The following GNAI1 variants were observed in gnomAD, a reference collection of about 807,000 sequenced individuals.
The protein encoded by GNAI1 is guanine nucleotide-binding protein G(i) subunit alpha-1.
GNAI1 carries 11 observed loss-of-function variants against 38.9 expected under a neutral mutation model. The observed-to-expected ratio is 0.28, with a 90% CI of 0.18 to 0.47. The LOEUF is 0.47. Among genes scored for constraint, GNAI1 ranks in the 20% least tolerant of loss-of-function variants. The pLI, the probability that GNAI1 is intolerant of heterozygous loss-of-function variation, is 0.99. For synonymous variants in GNAI1, 166 were observed against 145.1 expected (o/e 1.14, Z -1.04); for missense variants, 317 against 436.9 (o/e 0.73, Z 2.45).
In GNAI1 at chr7:80,180,808, A is replaced by G. The variant is rs559399077; in HGVS notation, c.119-8143A>G. Among the ~76,000 whole-genome samples the G allele has an allele frequency of 4.6e-5, 7 of 152,254 alleles. No individual in the cohort carries two copies. In the East Asian group the frequency reaches 1.4e-3, roughly 29 times the overall value. On this transcript the variant is annotated intron_variant, in intron 1 of 7. Coordinates refer to ENST00000649796, the MANE Select transcript of GNAI1 (RefSeq NM_002069.6). ...TAACTCTCAAAAGTCCCTACTTTGAAGATAAATTATATGTTCTCCTGACTG... is the reference window on the plus strand; with the variant it reads ...TAACTCTCAAAAGTCCCTACTTTGAGGATAAATTATATGTTCTCCTGACTG...
rs188704694 is a variant in GNAI1, at chr7:80,164,970, T to G, written c.119-23981T>G. Among the ~76,000 whole-genome samples the G allele has an allele frequency of 3.1e-4, 47 of 151,952 alleles. No homozygotes were observed. In the East Asian group the frequency reaches 8.3e-3, roughly 27 times the overall value. On this transcript the variant is annotated intron_variant, in intron 1 of 7. Transcript: ENST00000649796. ...AGAAAATACGCCTATGAGAAAAAGC[T>G]AAAGATGACATTATTTGTCTCCAAA...
Position 80,210,922 on chromosome 7 carries a change from CT to C in GNAI1, c.591-42del, listed in dbSNP as rs779463565. 1.8e-5 allele frequency: 28 copies of C among 1,572,802 alleles called. No homozygotes were observed. The East Asian group carries it at 6.3e-4, about 35-fold the overall frequency. On this transcript the variant is annotated intron_variant, in intron 5 of 7. Coordinates refer to ENST00000649796, the MANE Select transcript of GNAI1 (RefSeq NM_002069.6). ...GTTAGCATTAAAGAACTTCTCAGAG[CT>C]TTTTGAACATTTAATGTGATGTTAA...
intron 1 of GNAI1, among the ~76,000 whole-genome samples, chr7:80,151,362 A>T (rs1255264597): frequency 1.3e-5 from 2 of 152,190 alleles, no homozygotes; most frequent in Non-Finnish European, 2.9e-5. Flanking sequence ...CATATAATTA[A>T]GTAGAAAAAT....
chr7:80,169,019 G>A (rs970648608), intron 1 of GNAI1, among the ~76,000 whole-genome samples: 1 of 152,024 alleles, frequency 6.6e-6, no homozygotes, highest in Non-Finnish European at 1.5e-5. Context: ...TGCTTGTTCT[G>A]TCCCTTAAAT....
At chr7:80,168,050 C>T (rs1372742930) in intron 1 of GNAI1, among the ~76,000 whole-genome samples, 1 of 152,136 alleles carries the variant, frequency 6.6e-6, no homozygotes, top group Non-Finnish European at 1.5e-5. Flanking sequence ...AAAATGTTCC[C>T]ACAAATTCCC....
rs57365150 is a variant in GNAI1 at position 80,221,414 on chromosome 7, A to G, written c.*3921A>G. Reference sequence around the variant, plus strand: ...ATAGTTTTAAGGTGCCTTTAAAATCATAATCAGTGCTTAACAAATGGTTGT... The same window carrying G: ...ATAGTTTTAAGGTGCCTTTAAAATCGTAATCAGTGCTTAACAAATGGTTGT... On this transcript the variant is annotated 3_prime_UTR_variant, in exon 8 of 8. Transcript: ENST00000649796. Among the ~76,000 whole-genome samples, 1 of 152,170 alleles carries G rather than the reference A, an allele frequency of 6.6e-6. No individual in the cohort carries two copies. The highest frequency in any genetic ancestry group is 2.4e-5 in the African/African-American group (1 of 41,432).
chr7:80,212,655 A>T, intron 6 of GNAI1, 61 bp from the exon 7 acceptor site: 1 of 1,007,468 alleles, frequency 9.9e-7, no homozygotes, highest in Non-Finnish European at 1.4e-6. Context: ...TTTATTTTTT[A>T]AAATAGTCCT....
intron 1 of GNAI1, among the ~76,000 whole-genome samples, chr7:80,179,033 T>G (rs1311555618): frequency 6.6e-6 from 1 of 152,188 alleles, no homozygotes; most frequent in Non-Finnish European, 1.5e-5. Context: ...AATGCAGGAA[T>G]AGATATGAGA....
At chr7:80,178,187 G>C (rs1451145367) in intron 1 of GNAI1, among the ~76,000 whole-genome samples, 1 of 152,164 alleles carries the variant, frequency 6.6e-6, no homozygotes, top group African/African-American at 2.4e-5. Context: ...AAACTTTAAG[G>C]AAAGAGGAAT....
chr7:80,146,438 T>A (rs1434995639), intron 1 of GNAI1, among the ~76,000 whole-genome samples: 1 of 152,220 alleles, frequency 6.6e-6, no homozygotes, highest in Non-Finnish European at 1.5e-5. Flanking sequence ...TATTACATTC[T>A]CTATTGTGTC....
rs539631906 is a variant in GNAI1 at position 80,219,190 on chromosome 7, T to C, written c.*1697T>C. On this transcript the variant is annotated 3_prime_UTR_variant, in exon 8 of 8. Coordinates refer to ENST00000649796, the MANE Select transcript of GNAI1 (RefSeq NM_002069.6). ...CTTTATGTGCCTTTCATGAAAGATA[T>C]GTTTTCATTAATTTTACTGGTGGAC... is the stretch of plus-strand genomic sequence containing the variant. 4 of 152,720 alleles carry C rather than the reference T, an allele frequency of 2.6e-5. No individual in the cohort carries two copies. Among genetic ancestry groups the C allele is most frequent in the South Asian group, 4.1e-4 (2 of 4,826 alleles). The allele number at this position is 152,720 out of a possible 1,614,324, so 9.5% of individuals were successfully genotyped here. A position where few individuals can be genotyped will look rare whatever the true frequency, so the allele number is the denominator to read the frequency against.
At chr7:80,136,033 G>C (rs1406938643) in intron 1 of GNAI1, 2 of 985,390 alleles carry the variant, frequency 2.0e-6, no homozygotes, top group Non-Finnish European at 1.2e-6. Flanking sequence ...ACAGGGTTCT[G>C]TCTCCGCTGC....
At position 80,224,838 on chromosome 7, in the gene GNAI1, T is replaced by C. The variant is rs1196774091; in HGVS notation, c.*7345T>C. Among the ~76,000 whole-genome samples the C allele has an allele frequency of 6.6e-6, 1 of 152,190 alleles. No homozygotes were observed. Among genetic ancestry groups the C allele is most frequent in the African/African-American group, 2.4e-5 (1 of 41,464 alleles). On this transcript the variant is annotated 3_prime_UTR_variant, in exon 8 of 8. Coordinates refer to ENST00000649796, the MANE Select transcript of GNAI1 (RefSeq NM_002069.6). Reference sequence around the variant, plus strand: ...ATTTAAAAATTACATGTTGAACTGATTTGTGATATATTGGGTTATATAATT... The same window carrying C: ...ATTTAAAAATTACATGTTGAACTGACTTGTGATATATTGGGTTATATAATT...
intron 1 of GNAI1, among the ~76,000 whole-genome samples, chr7:80,141,405 A>G (rs1258940840): frequency 1.3e-5 from 2 of 152,208 alleles, no homozygotes; most frequent in Non-Finnish European, 2.9e-5. Context: ...CTGTGAAACT[A>G]GCAAACAAGT....
Position 80,174,380 on chromosome 7 carries a change from CAT to C in GNAI1, c.119-14568_119-14567del, listed in dbSNP as rs921793626. 1.9e-4 allele frequency among the ~76,000 whole-genome samples: 28 copies of C among 150,536 alleles called. 2 individuals carry two copies. Among genetic ancestry groups the C allele is most frequent in the African/African-American group, 6.1e-4 (25 of 41,148 alleles). On this transcript the variant is annotated intron_variant, in intron 1 of 7. Coordinates refer to ENST00000649796, the MANE Select transcript of GNAI1 (RefSeq NM_002069.6). Reference sequence around the variant, plus strand: ...CTTGTACTTGTCTTTTATGAATAAACATATGTATATATAGCTCTAAAATACAC... The same window carrying C: ...CTTGTACTTGTCTTTTATGAATAAACATGTATATATAGCTCTAAAATACAC...
In GNAI1 at chr7:80,151,436, A is replaced by G. The variant is rs368384682; in HGVS notation, c.118+16158A>G. Among the ~76,000 whole-genome samples, 538 of 152,280 alleles carry G rather than the reference A, an allele frequency of 3.5e-3. 5 individuals carry two copies. Among genetic ancestry groups the G allele is most frequent in the Middle Eastern group, 0.014 (4 of 294 alleles). On this transcript the variant is annotated intron_variant, in intron 1 of 7. Transcript: ENST00000649796. ...AAATTACACACAAAACCACAAACCA[A>G]TAGAGTTCTCATTAACATGACTTGT...
rs1043059523 is a variant in GNAI1, at chr7:80,222,819, C to A, written c.*5326C>A. ...TGTCACCTAGAAGAAAGTACAGGTG[C>A]TCCTTGACTTACCGTGGGTTAAGTC... On this transcript the variant is annotated 3_prime_UTR_variant, in exon 8 of 8. Coordinates refer to ENST00000649796, the MANE Select transcript of GNAI1 (RefSeq NM_002069.6). Among the ~76,000 whole-genome samples the A allele has an allele frequency of 1.3e-5, 2 of 152,112 alleles. No homozygotes were observed. Among genetic ancestry groups the A allele is most frequent in the Admixed American group, 6.6e-5 (1 of 15,258 alleles).
chr7:80,172,648 G>A (rs1229542702), intron 1 of GNAI1, among the ~76,000 whole-genome samples: 1 of 151,804 alleles, frequency 6.6e-6, no homozygotes, highest in Admixed American at 6.6e-5. Context: ...AAAGATACTT[G>A]CAAAGCAACG....
intron 1 of GNAI1, among the ~76,000 whole-genome samples, chr7:80,140,593 GAC>G (rs1401746200): frequency 6.6e-6 from 1 of 152,186 alleles, no homozygotes; most frequent in African/African-American, 2.4e-5. Flanking sequence ...CCCAGAGTAT[GAC>G]ACAGTGAAGT....
Sources: allele counts gnomAD v4.1 joint callset (sites outside exome capture counted in the v4.1 genomes callset), GRCh38; gene constraint gnomAD v4.1.1; transcripts MANE v1.5; gene names NCBI Gene and HGNC (gene_info 2026-07-23, HGNC 2026-07-21).